The following FRMD6 variants were observed in gnomAD, a reference collection of about 807,000 sequenced individuals.
FRMD6 encodes FERM domain-containing protein 6.
In FRMD6, 37 loss-of-function variants were observed where a neutral mutation model predicts 73.2. The observed-to-expected ratio is 0.51, with a 90% CI of 0.39 to 0.66. The LOEUF is 0.66. Ranked by LOEUF, FRMD6 falls within the 30% of genes least tolerant of loss-of-function variation. The probability of loss-of-function intolerance (pLI) is 0.00; values close to 1 mark genes in which losing one functional copy is unlikely to be tolerated. For missense variants in FRMD6, 714 were observed against 780.5 expected, an observed-to-expected ratio of 0.91 and a Z score of 1.02; for synonymous variants, 273 against 282.2, an observed-to-expected ratio of 0.97 and a Z score of 0.33.
Position 51,512,382 on chromosome 14 carries a change from T to C in FRMD6, c.-210+22962T>C, listed in dbSNP as rs1884360613. ...AACCTAGTCTGGAAAATCCTGCCAC[T>C]AGAATTATGATGAAGGGTGTAGATG... On this transcript the variant is annotated intron_variant, in intron 1 of 14. Coordinates refer to the FRMD6 transcript ENST00000356218. Among the ~76,000 whole-genome samples, 3 of 152,298 alleles carry C rather than the reference T, an allele frequency of 2.0e-5. No individual in the cohort carries two copies. In the South Asian group the frequency reaches 6.2e-4, roughly 32 times the overall value.
rs144106072 is a variant in FRMD6, at chr14:51,722,333, G to A, written c.1492+253G>A. Among the ~76,000 whole-genome samples, 34 of 152,314 alleles carry A rather than the reference G, an allele frequency of 2.2e-4. 1 individual carries two copies. The East Asian group carries it at 6.6e-3, about 29-fold the overall frequency. On this transcript the variant is annotated intron_variant, in intron 12 of 13. Transcript: ENST00000344768. ...GCTTTGGACAAAAGGTAGTTGAACA[G>A]TAGGGTTCTCTTTATGTTATGCTGT...
intron 1 of FRMD6, among the ~76,000 whole-genome samples, chr14:51,532,685 C>G (rs1411086085): frequency 2.0e-5 from 3 of 152,166 alleles, no homozygotes; most frequent in Non-Finnish European, 4.4e-5. Context: ...AGACGTCCTT[C>G]CTATATAAAC....
chr14:51,531,722 T>A (rs564735790), intron 1 of FRMD6, among the ~76,000 whole-genome samples: 2 of 152,240 alleles, frequency 1.3e-5, no homozygotes, highest in Non-Finnish European at 2.9e-5. Context: ...CATGTTATTG[T>A]GGAACAGGTG....
chr14:51,435,439 C>T, the FRMD6 span, among the ~76,000 whole-genome samples: 12 of 145,038 alleles, frequency 8.3e-5, no homozygotes, highest in Non-Finnish European at 1.5e-4. Flanking sequence ...AAAAAAGAAA[C>T]GAAGTGTAAA....
At chr14:51,687,467 T>G (rs1895244723) in intron 1 of FRMD6, among the ~76,000 whole-genome samples, 1 of 152,194 alleles carries the variant, frequency 6.6e-6, no homozygotes. Context: ...TCATGAAATA[T>G]AATATTTGAT....
intron 2 of FRMD6, among the ~76,000 whole-genome samples, chr14:51,622,755 C>T (rs185139207): frequency 1.3e-3 from 199 of 152,224 alleles, no homozygotes; most frequent in African/African-American, 4.6e-3. Context: ...TCTGCACTGA[C>T]GCATTGTGTG....
intron 2 of FRMD6, among the ~76,000 whole-genome samples, chr14:51,586,123 C>T (rs1050347304): frequency 1.3e-5 from 2 of 151,032 alleles, no homozygotes; most frequent in South Asian, 2.1e-4. Flanking sequence ...CTGGTTTAAA[C>T]GATAGGTCTG....
chr14:51,699,458 A>G (rs1460579553), intron 3 of FRMD6, among the ~76,000 whole-genome samples: 1 of 152,068 alleles, frequency 6.6e-6, no homozygotes, highest in Non-Finnish European at 1.5e-5. Flanking sequence ...TAAGTCCAAT[A>G]AAACCAGTTT....
At chr14:51,715,196 C>T (rs1388749545) in intron 9 of FRMD6, 129 bp from the exon 10 acceptor site, 10 of 695,258 alleles carry the variant, frequency 1.4e-5, no homozygotes, top group Non-Finnish European at 1.9e-5. Flanking sequence ...ATTTATCCCA[C>T]AAGGAATTTT....
intron 2 of FRMD6, among the ~76,000 whole-genome samples, chr14:51,642,309 G>A (rs892553165): frequency 6.6e-6 from 1 of 152,198 alleles, no homozygotes; most frequent in Non-Finnish European, 1.5e-5. Context: ...GGAGGCCAAG[G>A]TGGGGGCATC....
At chr14:51,585,277 A>G (rs529062419) in intron 2 of FRMD6, among the ~76,000 whole-genome samples, 1 of 152,134 alleles carries the variant, frequency 6.6e-6, no homozygotes, top group Non-Finnish European at 1.5e-5. Context: ...TCTCCCCAGT[A>G]AACCATCTTT....
the FRMD6 span, among the ~76,000 whole-genome samples, chr14:51,435,269 A>G: frequency 6.6e-6 from 1 of 152,270 alleles, no homozygotes; most frequent in South Asian, 2.1e-4. Flanking sequence ...TCTAAGTCCA[A>G]AATTATTTCA....
chr14:51,603,816 A>C (rs1294127397), intron 2 of FRMD6, among the ~76,000 whole-genome samples: 1 of 152,216 alleles, frequency 6.6e-6, no homozygotes, highest in Non-Finnish European at 1.5e-5. Flanking sequence ...AAAATCATAC[A>C]TAGAAAACAA....
intron 1 of FRMD6, among the ~76,000 whole-genome samples, chr14:51,670,276 G>T (rs962558928): frequency 2.0e-5 from 3 of 152,048 alleles, no homozygotes; most frequent in East Asian, 1.9e-4. Context: ...GGAGATGGGG[G>T]TCTCACTATG....
upstream of FRMD6, among the ~76,000 whole-genome samples, chr14:51,487,416 C>T (rs1882791746): frequency 6.6e-6 from 1 of 152,156 alleles, no homozygotes; most frequent in Non-Finnish European, 1.5e-5. Flanking sequence ...GTACATTAAG[C>T]CAGTGCTTTT....
At chr14:51,542,646 G>T (rs529782398) in intron 1 of FRMD6, among the ~76,000 whole-genome samples, 1 of 151,936 alleles carries the variant, frequency 6.6e-6, no homozygotes, top group African/African-American at 2.4e-5. Context: ...ACCTAGAATT[G>T]CTGGGTAACA....
intron 7 of FRMD6, among the ~76,000 whole-genome samples, chr14:51,709,675 T>C (rs923494172): frequency 1.3e-5 from 2 of 151,622 alleles, no homozygotes; most frequent in East Asian, 3.9e-4. Flanking sequence ...TGAGTTGTAA[T>C]TTTTTTTTAG....
chr14:51,700,158 G>C (rs1334655196), intron 3 of FRMD6, among the ~76,000 whole-genome samples: 4 of 151,902 alleles, frequency 2.6e-5, no homozygotes, highest in Non-Finnish European at 5.9e-5. Context: ...TTTATGCAGA[G>C]CTTTCCGTGA....
At chr14:51,439,052 G>A in the FRMD6 span, among the ~76,000 whole-genome samples, 14 of 152,250 alleles carry the variant, frequency 9.2e-5, no homozygotes, top group African/African-American at 2.2e-4. Flanking sequence ...AGCGTAATGC[G>A]GAAGCTTTTT....
Sources: gnomAD v4.1 joint callset for allele counts (sites outside exome capture counted in the v4.1 genomes callset) on GRCh38, gnomAD v4.1.1 for gene constraint, MANE v1.5 for transcripts, NCBI Gene and HGNC (gene_info 2026-07-23, HGNC 2026-07-21) for gene names.